The following SYN2 variants were observed in gnomAD, a reference collection of about 807,000 sequenced individuals.
SYN2 encodes synapsin-2.
SYN2 carries 19 observed loss-of-function variants against 50.9 expected under a neutral mutation model. The ratio of observed to expected loss-of-function variants is 0.37; its 90% CI spans 0.26 to 0.55. The LOEUF (loss-of-function observed/expected upper bound fraction) is 0.55. Ranked by LOEUF, SYN2 falls within the 20% of genes least tolerant of loss-of-function variation. SYN2 has a pLI of 0.81. For synonymous variants in SYN2, 255 were observed against 224.9 expected, an observed-to-expected ratio of 1.13 and a Z score of -1.20; for missense variants, 587 against 576.4, an observed-to-expected ratio of 1.02 and a Z score of -0.19.
intron 1 of SYN2, among the ~76,000 whole-genome samples, chr3:12,014,645 G>C (rs543238575): frequency 6.6e-6 from 1 of 152,062 alleles, no homozygotes; most frequent in Non-Finnish European, 1.5e-5. Context: ...CTGAAAATTC[G>C]GTCTTCTTTT....
chr3:12,179,193 G>A (rs1698163990), intron 10 of SYN2, among the ~76,000 whole-genome samples: 1 of 151,878 alleles, frequency 6.6e-6, no homozygotes, highest in Admixed American at 6.6e-5. Flanking sequence ...TAGCTTTGAT[G>A]GAAGCGGCAC....
intron 1 of SYN2, among the ~76,000 whole-genome samples, chr3:12,116,671 T>A (rs1696438816): frequency 6.6e-6 from 1 of 152,226 alleles, no homozygotes; most frequent in Non-Finnish European, 1.5e-5. Context: ...CAGAGGCATT[T>A]ATCATATTTT....
intron 1 of SYN2, among the ~76,000 whole-genome samples, chr3:12,131,553 G>C (rs1338458439): frequency 6.6e-6 from 1 of 152,078 alleles, no homozygotes; most frequent in Non-Finnish European, 1.5e-5. Context: ...AAGAAAATCT[G>C]TCCCATGACT....
chr3:12,151,438 C>T (rs1697289250), intron 5 of SYN2, 112 bp downstream of exon 5: 1 of 796,626 alleles, frequency 1.3e-6, no homozygotes, highest in East Asian at 2.7e-5. Context: ...CCAAAGACTC[C>T]ACTGGGGTTG....
chr3:12,054,977 T>C, intron 1 of SYN2, among the ~76,000 whole-genome samples: 1 of 152,128 alleles, frequency 6.6e-6, no homozygotes, highest in East Asian at 1.9e-4. Flanking sequence ...AATTTAATAT[T>C]GATTGGTCAA....
rs1425148108 is a variant in SYN2 at position 12,028,276 on chromosome 3, C to T, written c.377+23348C>T. Among the ~76,000 whole-genome samples, 10 of 152,000 alleles carry T rather than the reference C, an allele frequency of 6.6e-5. No homozygotes were observed. In the South Asian group the frequency reaches 1.5e-3, roughly 22 times the overall value. On this transcript the variant is annotated intron_variant, in intron 1 of 12. Coordinates refer to ENST00000621198, the MANE Select transcript of SYN2 (RefSeq NM_133625.6). The stretch of plus-strand genomic sequence containing the variant: ...ACATTGTCTTAATCCAGTCTATCAT[C>T]GTTGGACATTTCGGTTGGTTCCAAG...
intron 5 of SYN2, among the ~76,000 whole-genome samples, chr3:12,160,302 G>A (rs998379183): frequency 6.6e-6 from 1 of 152,044 alleles, no homozygotes; most frequent in Admixed American, 6.6e-5. Flanking sequence ...TCATAAAGTA[G>A]AGTTGAACTA....
intron 1 of SYN2, among the ~76,000 whole-genome samples, chr3:12,049,647 A>T (rs1002503585): frequency 6.6e-6 from 1 of 152,218 alleles, no homozygotes; most frequent in Non-Finnish European, 1.5e-5. Context: ...CTATAAAGTG[A>T]CTGGTACATG....
At chr3:12,065,546 CA>C (rs1462155398) in intron 1 of SYN2, among the ~76,000 whole-genome samples, 1 of 152,094 alleles carries the variant, frequency 6.6e-6, no homozygotes, top group Non-Finnish European at 1.5e-5. Flanking sequence ...ATGTCCTTTT[CA>C]GCAAAATGTA....
chr3:12,098,007 TA>T (rs966887281), intron 1 of SYN2, among the ~76,000 whole-genome samples: 4 of 150,998 alleles, frequency 2.6e-5, no homozygotes, highest in South Asian at 2.1e-4. Flanking sequence ...AAAGTATAAT[TA>T]AAAAAAAAGA....
chr3:12,042,322 C>T (rs1186892330), intron 1 of SYN2, among the ~76,000 whole-genome samples: 2 of 152,130 alleles, frequency 1.3e-5, no homozygotes, highest in Non-Finnish European at 2.9e-5. Flanking sequence ...GAAATTGCAT[C>T]TTAAAGAGTT....
At chr3:12,090,110 G>C (rs1244846456) in intron 1 of SYN2, among the ~76,000 whole-genome samples, 1 of 152,114 alleles carries the variant, frequency 6.6e-6, no homozygotes, top group Non-Finnish European at 1.5e-5. Context: ...ATTTCTCTGA[G>C]ACTAGCAAAT....
chr3:12,154,394 C>G, intron 5 of SYN2: 1 of 1,614,192 alleles, frequency 6.2e-7, no homozygotes, highest in Non-Finnish European at 8.5e-7. Flanking sequence ...CAGGTCCTCC[C>G]AGGGCTCGAT....
At chr3:12,008,174 C>G (rs1292730088) in intron 1 of SYN2, among the ~76,000 whole-genome samples, 1 of 152,162 alleles carries the variant, frequency 6.6e-6, no homozygotes, top group Non-Finnish European at 1.5e-5. Flanking sequence ...CTCTCAGATT[C>G]TGTCCTGCCT....
intron 1 of SYN2, among the ~76,000 whole-genome samples, chr3:12,131,099 C>T (rs1365226407): frequency 6.6e-6 from 1 of 152,216 alleles, no homozygotes; most frequent in African/African-American, 2.4e-5. Context: ...TCTGAGGAGA[C>T]AAGTAGGGGC....
intron 1 of SYN2, among the ~76,000 whole-genome samples, chr3:12,061,131 A>G (rs886359314): frequency 1.3e-5 from 2 of 152,202 alleles, no homozygotes; most frequent in Non-Finnish European, 2.9e-5. Flanking sequence ...GACACAGCCA[A>G]GGAAAGAAGC....
chr3:12,068,672 T>C (rs1695274752), intron 1 of SYN2, among the ~76,000 whole-genome samples: 1 of 151,800 alleles, frequency 6.6e-6, no homozygotes, highest in Non-Finnish European at 1.5e-5. Context: ...CTCTTCTGTT[T>C]TTCATTTCTG....
intron 1 of SYN2, among the ~76,000 whole-genome samples, chr3:12,120,238 G>A (rs1696524022): frequency 6.6e-6 from 1 of 152,160 alleles, no homozygotes. Context: ...GACAGGATCT[G>A]GACTAGAACC....
rs1052252049 is a variant in SYN2 at position 12,162,945 on chromosome 3, T to G, written c.980+791T>G. On this transcript the variant is annotated intron_variant, in intron 7 of 12. Coordinates refer to ENST00000621198, the MANE Select transcript of SYN2 (RefSeq NM_133625.6). ...ATTTTGGAAATATTAATCCCCCACT[T>G]AAAGTTTACAGTGGGCCAGGCGCGG... is the stretch of plus-strand genomic sequence containing the variant. Among the ~76,000 whole-genome samples the G allele has an allele frequency of 3.3e-5, 5 of 152,284 alleles. No homozygotes were observed. In the South Asian group the frequency reaches 6.2e-4, roughly 19 times the overall value.
Sources: allele counts gnomAD v4.1 joint callset (sites outside exome capture counted in the v4.1 genomes callset), GRCh38; gene constraint gnomAD v4.1.1; transcripts MANE v1.5; gene names NCBI Gene and HGNC (gene_info 2026-07-23, HGNC 2026-07-21).